Variants in DCDC1 observed in about 807,000 individuals in gnomAD.
DCDC1 encodes the protein doublecortin domain-containing protein 1.
DCDC1 carries 200 observed loss-of-function variants against 178.3 expected under a neutral mutation model. The observed-to-expected ratio is 1.12, with a 90% CI of 1.00 to 1.26. DCDC1 has a LOEUF of 1.26. DCDC1 is among the 50% of genes most tolerant of loss of function. The pLI, the probability that DCDC1 is intolerant of heterozygous loss-of-function variation, is 0.00. For missense variants in DCDC1, 1,983 were observed against 1,749.2 expected (o/e 1.13, Z -2.38); for synonymous variants, 690 against 604.8 (o/e 1.14, Z -2.07).
chr11:31,250,034 A>G (rs1943869243), intron 8 of DCDC1, among the ~76,000 whole-genome samples: 1 of 151,962 alleles, frequency 6.6e-6, no homozygotes, highest in African/African-American at 2.4e-5. Context: ...GAGATTTCCT[A>G]CACCAACATA....
intron 36 of DCDC1, among the ~76,000 whole-genome samples, chr11:30,884,048 T>TTTTTTTTTTTTTA (rs1565023355): frequency 6.8e-6 from 1 of 147,294 alleles, no homozygotes; most frequent in African/African-American, 2.5e-5. Context: ...TTTTTTTTTT[T>TTTTTTTTTTTTTA]GAGACAGGGT....
At chr11:31,241,338 A>G (rs950174267) in intron 9 of DCDC1, 112 bp downstream of exon 9, 2 of 389,980 alleles carry the variant, frequency 5.1e-6, no homozygotes, top group East Asian at 7.2e-5. Flanking sequence ...CACTGAGCTC[A>G]CAAAATACAT....
At chr11:31,071,967 T>A (rs1956593336) in intron 18 of DCDC1, among the ~76,000 whole-genome samples, 1 of 152,222 alleles carries the variant, frequency 6.6e-6, no homozygotes, top group African/African-American at 2.4e-5. Flanking sequence ...CACTCCAGGT[T>A]CCTGGCCTAC....
chr11:31,319,464 C>G (rs1169887382), intron 3 of DCDC1, among the ~76,000 whole-genome samples: 1 of 66,652 alleles, frequency 1.5e-5, no homozygotes, highest in East Asian at 2.4e-4. Context: ...TTATCAGAGA[C>G]TAGGATTGCA....
chr11:31,338,410 A>G lies in DCDC1; in HGVS notation c.-124-2846T>C, dbSNP rs529378337. Among the ~76,000 whole-genome samples, 4 of 152,338 alleles carry G rather than the reference A, an allele frequency of 2.6e-5. No individual in the cohort carries two copies. The South Asian group carries it at 8.3e-4, about 32-fold the overall frequency. On this transcript the variant is annotated intron_variant, in intron 1 of 38. Coordinates refer to ENST00000684477, the MANE Select transcript of DCDC1 (RefSeq NM_001387274.1). ...GGATCATATTTGGGGGTTCACATAC[A>G]TAATTAAAAGCTAGAACAGGCATGT...
intron 8 of DCDC1, among the ~76,000 whole-genome samples, chr11:31,247,040 C>T (rs1008453316): frequency 6.6e-6 from 1 of 152,012 alleles, no homozygotes; most frequent in Non-Finnish European, 1.5e-5. Context: ...TGTTATAATA[C>T]TGCTGTAAGA....
chr11:31,280,852 A>G (rs1946373429), intron 7 of DCDC1: 59 of 628,594 alleles, frequency 9.4e-5, no homozygotes, highest in South Asian at 8.0e-4. Context: ...AAGTGAATAC[A>G]ATGGCCTGAC....
At chr11:31,168,327 C>T (rs1246138173) in intron 9 of DCDC1, among the ~76,000 whole-genome samples, 1 of 152,190 alleles carries the variant, frequency 6.6e-6, no homozygotes, top group Non-Finnish European at 1.5e-5. Context: ...TTGACTCCAA[C>T]AATCCATAAA....
rs745330694 is a variant in DCDC1, at chr11:31,103,696, C to T, written c.1825G>A (p.Ala609Thr). ...SAFARGDIMV[A>T]YKTFLDPNAV... ...TTAGGATCCAAAAAGGTCTTATATGCAACCATGATATCACCTCTGGCAAAT... is the reference window on the plus strand; with the variant it reads ...TTAGGATCCAAAAAGGTCTTATATGTAACCATGATATCACCTCTGGCAAAT... Residue 609 changes from alanine (A) to threonine (T), a missense_variant, in exon 14 of 39, where the codon GCA becomes ACA. Coordinates refer to ENST00000684477, the MANE Select transcript of DCDC1 (RefSeq NM_001387274.1). 1.3e-6 allele frequency: 1 copy of T among 765,720 alleles called. No homozygotes were observed. Among genetic ancestry groups the T allele is most frequent in the Non-Finnish European group, 2.4e-6 (1 of 417,662 alleles). 47.4% of individuals were successfully genotyped at this position (765,720 alleles called of 1,614,324 possible).
At chr11:31,042,451 A>C (rs562758611) in intron 20 of DCDC1, among the ~76,000 whole-genome samples, 1 of 152,300 alleles carries the variant, frequency 6.6e-6, no homozygotes, top group Non-Finnish European at 1.5e-5. Context: ...CTTTGTGAAA[A>C]AAATAAGGAA....
At chr11:31,244,249 C>A (rs567079364) in intron 8 of DCDC1, among the ~76,000 whole-genome samples, 1 of 151,622 alleles carries the variant, frequency 6.6e-6, no homozygotes, top group South Asian at 2.1e-4. Flanking sequence ...AAAAAGAAGT[C>A]GCTCTACTTT....
At chr11:31,131,333 G>A in intron 10 of DCDC1, among the ~76,000 whole-genome samples, 1 of 152,108 alleles carries the variant, frequency 6.6e-6, no homozygotes, top group Non-Finnish European at 1.5e-5. Context: ...GGTGTTTATA[G>A]GCTATAAAAT....
At chr11:31,021,042 A>T (rs1952842172) in intron 20 of DCDC1, among the ~76,000 whole-genome samples, 1 of 152,182 alleles carries the variant, frequency 6.6e-6, no homozygotes, top group Non-Finnish European at 1.5e-5. Flanking sequence ...ATTTTTTTTA[A>T]TCTTGCCAAT....
At chr11:31,196,149 T>A (rs1970666170) in intron 9 of DCDC1, among the ~76,000 whole-genome samples, 1 of 151,952 alleles carries the variant, frequency 6.6e-6, no homozygotes, top group Non-Finnish European at 1.5e-5. Flanking sequence ...CCTCTTCCCA[T>A]CTTATTCCAT....
intron 9 of DCDC1, among the ~76,000 whole-genome samples, chr11:31,165,791 T>C (rs1966734824): frequency 6.6e-6 from 1 of 152,224 alleles, no homozygotes. Flanking sequence ...GAGGAGGTTG[T>C]AGTGCTAGAG....
At chr11:31,367,973 A>C (rs1952050961) in intron 1 of DCDC1, among the ~76,000 whole-genome samples, 1 of 152,200 alleles carries the variant, frequency 6.6e-6, no homozygotes, top group African/African-American at 2.4e-5. Flanking sequence ...TATAATTTAA[A>C]AGATATTTAA....
At chr11:31,328,800 G>T (rs1949787655) in intron 2 of DCDC1, among the ~76,000 whole-genome samples, 1 of 121,082 alleles carries the variant, frequency 8.3e-6, no homozygotes, top group African/African-American at 3.7e-5. Context: ...GACAGAGTGA[G>T]ACTACATCTC....
chr11:31,331,310 A>C (rs1949973716), intron 2 of DCDC1, among the ~76,000 whole-genome samples: 1 of 152,238 alleles, frequency 6.6e-6, no homozygotes, highest in Non-Finnish European at 1.5e-5. Context: ...CTAAATGTAC[A>C]ATCATGTCAT....
At chr11:30,983,262 A>C (rs1318965109) in intron 20 of DCDC1, among the ~76,000 whole-genome samples, 1 of 152,208 alleles carries the variant, frequency 6.6e-6, no homozygotes, top group Non-Finnish European at 1.5e-5. Context: ...ACATAATCAG[A>C]AGTGTTTCCC....
Sources: allele counts gnomAD v4.1 joint callset (sites outside exome capture counted in the v4.1 genomes callset), GRCh38; gene constraint gnomAD v4.1.1; transcripts MANE v1.5; gene names NCBI Gene and HGNC (gene_info 2026-07-23, HGNC 2026-07-21).